RARB: variants seen among roughly 807,000 people sequenced by gnomAD.
RARB encodes the protein retinoic acid receptor beta, also known as HBV-activated protein.
In RARB, 17 loss-of-function variants were observed where a neutral mutation model predicts 51.9. That is an observed-to-expected ratio of 0.33 (90% CI 0.22 to 0.49). The LOEUF is 0.49. RARB is among the 20% of genes least tolerant of loss of function. The pLI is 0.99. For missense variants in RARB, 369 were observed against 550.8 expected (o/e 0.67, Z 3.30); for synonymous variants, 215 against 195.4 (o/e 1.10, Z -0.84).
chr3:25,147,022 C>G (rs1044466742), intron 4 of RARB, among the ~76,000 whole-genome samples: 1 of 152,068 alleles, frequency 6.6e-6, no homozygotes, highest in Non-Finnish European at 1.5e-5. Flanking sequence ...GGATGGGGCT[C>G]TAGTCATGGG....
At chr3:25,415,582 G>A (rs2125503284) in intron 5 of RARB, among the ~76,000 whole-genome samples, 1 of 152,236 alleles carries the variant, frequency 6.6e-6, no homozygotes, top group Middle Eastern at 3.4e-3. Context: ...CTTAATGTAG[G>A]TTGGACTTCC....
intron 4 of RARB, among the ~76,000 whole-genome samples, chr3:25,151,612 G>A (rs543880055): frequency 4.7e-4 from 71 of 152,296 alleles, no homozygotes; most frequent in Non-Finnish European, 9.0e-4. Context: ...CATTATATGC[G>A]TGTTCTTCTC....
chr3:25,424,880 G>T (rs1178185967), upstream of RARB, among the ~76,000 whole-genome samples: 1 of 152,186 alleles, frequency 6.6e-6, no homozygotes, highest in South Asian at 2.1e-4. Flanking sequence ...ATTGCTGTAC[G>T]AAAACCAGAG....
chr3:25,541,864 C>G (rs1699398600), intron 3 of RARB, among the ~76,000 whole-genome samples: 1 of 152,216 alleles, frequency 6.6e-6, no homozygotes, highest in Non-Finnish European at 1.5e-5. Flanking sequence ...CCTCTGTGGT[C>G]ACCACCATGG....
intron 5 of RARB, among the ~76,000 whole-genome samples, chr3:25,397,491 A>G (rs1707147984): frequency 6.6e-6 from 1 of 152,192 alleles, no homozygotes; most frequent in Admixed American, 6.5e-5. Flanking sequence ...GCAAAAGTTC[A>G]CAGTGTGAGT....
At chr3:24,898,671 C>A (rs2125369720) in intron 2 of RARB, among the ~76,000 whole-genome samples, 1 of 152,224 alleles carries the variant, frequency 6.6e-6, no homozygotes, top group African/African-American at 2.4e-5. Context: ...ACATAGATTT[C>A]TTATTCTAAT....
rs543881825 is a variant in RARB, at chr3:25,208,029, A to G, written c.178+33454A>G. On this transcript the variant is annotated intron_variant, in intron 5 of 11. Coordinates refer to the RARB transcript ENST00000383772. Reference sequence around the variant, plus strand: ...GGGAGCAAGAGAGGGCAAGGGGGGGAGCAAATTGGGGGAATGCTACGCACC... The same window carrying G: ...GGGAGCAAGAGAGGGCAAGGGGGGGGGCAAATTGGGGGAATGCTACGCACC... 5.6e-3 allele frequency among the ~76,000 whole-genome samples: 847 copies of G among 150,012 alleles called. 15 individuals carry two copies. The highest frequency in any genetic ancestry group is 0.027 in the East Asian group (132 of 4,884).
chr3:25,378,900 T>C (rs2125477579), intron 5 of RARB, among the ~76,000 whole-genome samples: 1 of 152,296 alleles, frequency 6.6e-6, no homozygotes, highest in East Asian at 1.9e-4. Flanking sequence ...CTGCACATAA[T>C]ATCAGACAAA....
intron 2 of RARB, among the ~76,000 whole-genome samples, chr3:24,922,269 G>A (rs558161308): frequency 1.3e-3 from 198 of 152,284 alleles, no homozygotes; most frequent in African/African-American, 4.6e-3. Context: ...AAAATGTGAA[G>A]CATAATTCCT....
chr3:24,863,916 C>G (rs1032254630), intron 2 of RARB, among the ~76,000 whole-genome samples: 1 of 152,044 alleles, frequency 6.6e-6, no homozygotes, highest in Admixed American at 6.6e-5. Flanking sequence ...CATACCTTCT[C>G]CTGTTCAAGG....
At chr3:25,153,839 A>G (rs1337272512) in intron 4 of RARB, among the ~76,000 whole-genome samples, 1 of 152,186 alleles carries the variant, frequency 6.6e-6, no homozygotes, top group East Asian at 1.9e-4. Context: ...ACTTTCCTCA[A>G]CATTGTGCAT....
intron 2 of RARB, among the ~76,000 whole-genome samples, chr3:25,009,862 G>A (rs535261034): frequency 1.1e-3 from 172 of 152,166 alleles, no homozygotes; most frequent in Admixed American, 2.1e-3. Context: ...AGTGGAAGGG[G>A]AGACAAGCAG....
At chr3:25,457,710 G>T (rs1330291596) in intron 1 of RARB, among the ~76,000 whole-genome samples, 4 of 152,148 alleles carry the variant, frequency 2.6e-5, no homozygotes. Context: ...ACTCCCTTCA[G>T]TGCATGTGTT....
intron 2 of RARB, among the ~76,000 whole-genome samples, chr3:24,901,918 A>G (rs1457481566): frequency 6.6e-6 from 1 of 152,074 alleles, no homozygotes; most frequent in East Asian, 1.9e-4. Flanking sequence ...TGCAAAATCA[A>G]CTGCAGTTTT....
intron 2 of RARB, among the ~76,000 whole-genome samples, chr3:25,014,357 G>A (rs927744836): frequency 6.6e-6 from 1 of 152,050 alleles, no homozygotes; most frequent in Non-Finnish European, 1.5e-5. Context: ...TTTCTACTTT[G>A]AACCACATGT....
At chr3:24,944,951 A>G (rs1695742961) in intron 2 of RARB, among the ~76,000 whole-genome samples, 1 of 152,202 alleles carries the variant, frequency 6.6e-6, no homozygotes, top group Non-Finnish European at 1.5e-5. Context: ...AGAAATTGGG[A>G]AAAAGTGCCC....
intron 3 of RARB, among the ~76,000 whole-genome samples, chr3:25,114,410 C>G (rs193017094): frequency 1.3e-5 from 2 of 150,924 alleles, no homozygotes; most frequent in African/African-American, 4.9e-5. Context: ...TGAAGATGCT[C>G]TGAAAGTATC....
intron 2 of RARB, among the ~76,000 whole-genome samples, chr3:24,933,412 G>A (rs1458668281): frequency 6.6e-6 from 1 of 151,896 alleles, no homozygotes; most frequent in South Asian, 2.1e-4. Flanking sequence ...TGCAGTTTTT[G>A]TACCCTGACA....
chr3:25,280,445 C>A (rs1334449375), intron 5 of RARB, among the ~76,000 whole-genome samples: 1 of 152,046 alleles, frequency 6.6e-6, no homozygotes, highest in Admixed American at 6.6e-5. Context: ...GTCCTGAACC[C>A]CATCAGAGTG....
Sources: gnomAD v4.1 joint callset for allele counts (sites outside exome capture counted in the v4.1 genomes callset) on GRCh38, gnomAD v4.1.1 for gene constraint, MANE v1.5 for transcripts, NCBI Gene and HGNC (gene_info 2026-07-23, HGNC 2026-07-21) for gene names.